Variants in KCNIP1 observed in about 807,000 individuals in gnomAD.
KCNIP1 encodes the protein potassium voltage-gated channel interacting protein 1.
KCNIP1 carries 18 observed loss-of-function variants against 33.0 expected under a neutral mutation model. The observed-to-expected ratio is 0.55, with a 90% CI of 0.38 to 0.81. The LOEUF (loss-of-function observed/expected upper bound fraction) is 0.81, where lower values mean the gene tolerates loss of function less well. Ranked by LOEUF, KCNIP1 falls within the 30% of genes least tolerant of loss-of-function variation. The pLI, the probability that KCNIP1 is intolerant of heterozygous loss-of-function variation, is 0.00. For synonymous variants in KCNIP1, 93 were observed against 98.3 expected, an observed-to-expected ratio of 0.95 and a Z score of 0.32; for missense variants, 238 against 271.6, an observed-to-expected ratio of 0.88 and a Z score of 0.87.
intron 1 of KCNIP1, among the ~76,000 whole-genome samples, chr5:170,465,250 A>G (rs1030048012): frequency 2.0e-5 from 3 of 152,200 alleles, no homozygotes; most frequent in Admixed American, 2.0e-4. Flanking sequence ...CAATATATCC[A>G]TTATTCTCAC....
chr5:170,401,322 G>A lies in KCNIP1; in HGVS notation c.88+47358G>A, dbSNP rs12659486. ...TAAATAATAAGATTGCTCCTGCAAA[G>A]CTCAAGGTCTACATTTACACTCAGA... On this transcript the variant is annotated intron_variant, in intron 1 of 7. Coordinates refer to the KCNIP1 transcript ENST00000377360. Among the ~76,000 whole-genome samples the A allele has an allele frequency of 3.2e-3, 491 of 152,290 alleles. 8 individuals carry two copies. The East Asian group carries it at 0.06, about 19-fold the overall frequency.
exon 1 of KCNIP1, chr5:170,353,600 C>T (rs1763268354): frequency 1.9e-6 from 1 of 540,514 alleles, no homozygotes; most frequent in East Asian, 3.2e-5. Flanking sequence ...GCAGTGCTGT[C>T]CCGGCCCTGG....
At chr5:170,428,068 A>T (rs1755651555) in intron 1 of KCNIP1, among the ~76,000 whole-genome samples, 1 of 152,052 alleles carries the variant, frequency 6.6e-6, no homozygotes, top group Non-Finnish European at 1.5e-5. Flanking sequence ...TTCCCTGCCC[A>T]CCTGTTTCCT....
At chr5:170,583,848 A>T (rs1757887798) in intron 1 of KCNIP1, among the ~76,000 whole-genome samples, 1 of 152,150 alleles carries the variant, frequency 6.6e-6, no homozygotes, top group Admixed American at 6.5e-5. Context: ...TTAATTTTTT[A>T]TGTTATTATT....
intron 1 of KCNIP1, among the ~76,000 whole-genome samples, chr5:170,418,535 T>C (rs990379233): frequency 1.3e-5 from 2 of 152,240 alleles, no homozygotes; most frequent in African/African-American, 2.4e-5. Context: ...CAGTCTGTTA[T>C]GTGTGACTTC....
intron 1 of KCNIP1, among the ~76,000 whole-genome samples, chr5:170,677,433 C>T (rs1762183786): frequency 6.6e-6 from 1 of 152,170 alleles, no homozygotes; most frequent in Non-Finnish European, 1.5e-5. Context: ...CTATGGGTAT[C>T]AGTATTATTC....
intron 1 of KCNIP1, among the ~76,000 whole-genome samples, chr5:170,691,397 G>T (rs1281714437): frequency 6.6e-6 from 1 of 152,160 alleles, no homozygotes; most frequent in Non-Finnish European, 1.5e-5. Flanking sequence ...GAAACGATCT[G>T]GTATCATTCT....
rs554577214 is a variant in KCNIP1 at position 170,507,865 on chromosome 5, T to C, written c.61+3232T>C. Among the ~76,000 whole-genome samples, 87 of 152,316 alleles carry C rather than the reference T, an allele frequency of 5.7e-4. 1 individual carries two copies. In the South Asian group the frequency reaches 0.017, roughly 30 times the overall value. ...CTGTCCTTCTCTCTGTTTGGGATCT[T>C]TGTGTGTCTTTAATTAAAAGTAGGA... On this transcript the variant is annotated intron_variant, in intron 1 of 7. Transcript: ENST00000328939.
At chr5:170,429,095 A>G (rs901675103) in intron 1 of KCNIP1, among the ~76,000 whole-genome samples, 1 of 152,122 alleles carries the variant, frequency 6.6e-6, no homozygotes, top group Admixed American at 6.5e-5. Flanking sequence ...TGTCTCAAAA[A>G]ACAACAAACA....
chr5:170,406,742 A>G (rs1457483883), intron 1 of KCNIP1, among the ~76,000 whole-genome samples: 2 of 152,054 alleles, frequency 1.3e-5, no homozygotes, highest in Non-Finnish European at 2.9e-5. Flanking sequence ...CCTCATTCCG[A>G]GGCCTGGAGG....
chr5:170,464,944 C>T (rs961930420), intron 1 of KCNIP1, among the ~76,000 whole-genome samples: 12 of 152,162 alleles, frequency 7.9e-5, no homozygotes, highest in African/African-American at 1.7e-4. Flanking sequence ...GATGCCCAGA[C>T]GGTTAGGAGG....
intron 1 of KCNIP1, among the ~76,000 whole-genome samples, chr5:170,675,714 A>T (rs1303075533): frequency 6.6e-6 from 1 of 152,230 alleles, no homozygotes; most frequent in East Asian, 1.9e-4. Context: ...TGCAGAGCCC[A>T]GCACAGTGCC....
At chr5:170,404,102 T>C (rs1754974320) in intron 1 of KCNIP1, among the ~76,000 whole-genome samples, 1 of 152,214 alleles carries the variant, frequency 6.6e-6, no homozygotes, top group African/African-American at 2.4e-5. Context: ...AATGAGGTCC[T>C]AACTCTGAAC....
rs535679304 is a variant in KCNIP1, at chr5:170,574,430, G to A, written c.61+69797G>A. On this transcript the variant is annotated intron_variant, in intron 1 of 7. Transcript: ENST00000328939. ...ACCCAAGTTTGGTGAATTAGCGAGT[G>A]CCAGCAGTCATAGTGGTGGTCTGTT... Among the ~76,000 whole-genome samples, 19 of 152,308 alleles carry A rather than the reference G, an allele frequency of 1.2e-4. No homozygotes were observed. In the South Asian group the frequency reaches 3.9e-3, roughly 32 times the overall value.
intron 1 of KCNIP1, among the ~76,000 whole-genome samples, chr5:170,434,084 C>T (rs1441337626): frequency 6.6e-6 from 1 of 152,314 alleles, no homozygotes. Context: ...CAAAGCTGAA[C>T]CAAGCTATCT....
chr5:170,550,334 G>T (rs1200710229), intron 1 of KCNIP1, among the ~76,000 whole-genome samples: 1 of 152,206 alleles, frequency 6.6e-6, no homozygotes, highest in African/African-American at 2.4e-5. Flanking sequence ...TTTAAGGCTT[G>T]CAGAATCTCT....
chr5:170,660,992 G>T (rs1761462044), intron 1 of KCNIP1, among the ~76,000 whole-genome samples: 1 of 152,242 alleles, frequency 6.6e-6, no homozygotes, highest in Admixed American at 6.5e-5. Flanking sequence ...TGAGGAAGGA[G>T]AATGCTCTCA....
At chr5:170,468,893 A>G (rs978377800) in intron 1 of KCNIP1, among the ~76,000 whole-genome samples, 2 of 139,688 alleles carry the variant, frequency 1.4e-5, no homozygotes, top group African/African-American at 5.9e-5. Context: ...AATTTTTTTA[A>G]TGGCTATAAT....
chr5:170,353,864 C>G lies in KCNIP1; in HGVS notation c.-13C>G, dbSNP rs768259891. ...TGGGTGCTGACAGCAGAGCCTGGCTCCCCTCCGCCACCATGAGCGGCTGCT... is the reference window on the plus strand; with the variant it reads ...TGGGTGCTGACAGCAGAGCCTGGCTGCCCTCCGCCACCATGAGCGGCTGCT... On this transcript the variant is annotated 5_prime_UTR_variant, in exon 1 of 8. Coordinates refer to the KCNIP1 transcript ENST00000377360. The G allele has an allele frequency of 1.3e-5, 21 of 1,613,094 alleles. No individual in the cohort carries two copies. The South Asian group carries it at 1.9e-4, about 14-fold the overall frequency.
Sources: gnomAD v4.1 joint callset for allele counts (sites outside exome capture counted in the v4.1 genomes callset) on GRCh38, gnomAD v4.1.1 for gene constraint, MANE v1.5 for transcripts, NCBI Gene and HGNC (gene_info 2026-07-23, HGNC 2026-07-21) for gene names.